TTLL1: variants seen among roughly 807,000 people sequenced by gnomAD.
TTLL1 encodes the protein TTL family tubulin polyglutamylase complex subunit L1.
In TTLL1, 33 loss-of-function variants were observed where a neutral mutation model predicts 47.8. That is an observed-to-expected ratio of 0.69 (90% confidence interval 0.52 to 0.92). The LOEUF (loss-of-function observed/expected upper bound fraction) is 0.92. TTLL1 is among the 40% of genes least tolerant of loss of function. The pLI is 0.00. For synonymous variants in TTLL1, 225 were observed against 214.1 expected, an observed-to-expected ratio of 1.05 and a Z score of -0.45; for missense variants, 488 against 547.5, an observed-to-expected ratio of 0.89 and a Z score of 1.08.
chr22:43,082,173 T>TTA (rs1425776623), intron 1 of TTLL1, among the ~76,000 whole-genome samples: 123 of 151,008 alleles, frequency 8.1e-4, no homozygotes, highest in African/African-American at 2.8e-3. Flanking sequence ...TTTTTTTTTT[T>TTA]AAACAACACA....
chr22:43,087,815 G>A (rs1929329739), intron 1 of TTLL1, among the ~76,000 whole-genome samples: 1 of 141,688 alleles, frequency 7.1e-6, no homozygotes, highest in Non-Finnish European at 1.5e-5. Context: ...ACTCCAGCCT[G>A]GGTGACAGAG....
At chr22:43,049,786 GA>G (rs1926456367) in intron 9 of TTLL1, among the ~76,000 whole-genome samples, 4 of 91,250 alleles carry the variant, frequency 4.4e-5, no homozygotes, top group Non-Finnish European at 7.6e-5. Flanking sequence ...AAAAAAAAAA[GA>G]AAAGAAAAAA....
intron 3 of TTLL1, among the ~76,000 whole-genome samples, chr22:43,073,571 G>A (rs1928276783): frequency 6.6e-6 from 1 of 151,778 alleles, no homozygotes; most frequent in African/African-American, 2.4e-5. Flanking sequence ...GGCTAGGCTG[G>A]TCTCCAACTC....
chr22:43,073,387 C>T (rs1928265905), intron 3 of TTLL1, among the ~76,000 whole-genome samples: 1 of 145,924 alleles, frequency 6.9e-6, no homozygotes, highest in African/African-American at 2.5e-5. Flanking sequence ...GGTACAGTCT[C>T]ACTCTGTCAC....
At chr22:43,077,403 C>A (rs1455625371) in intron 2 of TTLL1, among the ~76,000 whole-genome samples, 1 of 152,300 alleles carries the variant, frequency 6.6e-6, no homozygotes, top group East Asian at 1.9e-4. Context: ...CACAAAGCCT[C>A]CCTGACCCTC....
intron 2 of TTLL1, among the ~76,000 whole-genome samples, chr22:43,078,634 C>A (rs1021267455): frequency 2.7e-4 from 41 of 152,228 alleles, no homozygotes; most frequent in African/African-American, 9.9e-4. Context: ...CCATCACTTC[C>A]CTCTGTGAAC....
At chr22:43,065,907 T>A (rs965402920) in intron 5 of TTLL1, among the ~76,000 whole-genome samples, 5 of 152,008 alleles carry the variant, frequency 3.3e-5, no homozygotes, top group Admixed American at 6.6e-5. Context: ...AGGCCTGTAA[T>A]CCCAGCACTT....
At chr22:43,082,779 C>G (rs577057836) in intron 1 of TTLL1, among the ~76,000 whole-genome samples, 1 of 150,268 alleles carries the variant, frequency 6.7e-6, no homozygotes, top group African/African-American at 2.5e-5. Context: ...TTTGGGAGGC[C>G]AAGGTGGGTG....
chr22:43,075,617 A>G (rs747563643), intron 2 of TTLL1, 27 bp from the exon 3 acceptor site: 2 of 1,597,248 alleles, frequency 1.3e-6, no homozygotes. Flanking sequence ...TATTAGAGAT[A>G]TGAAACTTCA....
intron 10 of TTLL1, among the ~76,000 whole-genome samples, chr22:43,045,109 C>T (rs879945618): frequency 3.3e-5 from 5 of 152,196 alleles, no homozygotes; most frequent in Non-Finnish European, 5.9e-5. Flanking sequence ...GATCCACCTG[C>T]CTTGGCCTCC....
At chr22:43,055,586 C>T (rs1926944862) in intron 8 of TTLL1, among the ~76,000 whole-genome samples, 1 of 152,084 alleles carries the variant, frequency 6.6e-6, no homozygotes, top group Admixed American at 6.6e-5. Context: ...CCACCTTGAC[C>T]TCCCAAAGGG....
At chr22:43,076,629 T>G (rs2146988034) in intron 2 of TTLL1, among the ~76,000 whole-genome samples, 1 of 151,526 alleles carries the variant, frequency 6.6e-6, no homozygotes, top group Admixed American at 6.6e-5. Context: ...CATGCGCCTG[T>G]AATCCCAGCT....
At chr22:43,067,217 T>C (rs768799182) in intron 5 of TTLL1, among the ~76,000 whole-genome samples, 18 of 152,342 alleles carry the variant, frequency 1.2e-4, no homozygotes, top group Admixed American at 2.6e-4. Flanking sequence ...CTTGCTCGGC[T>C]GTGCCCATCG....
At chr22:43,074,549 T>G (rs1201640471) in intron 3 of TTLL1, among the ~76,000 whole-genome samples, 1 of 151,368 alleles carries the variant, frequency 6.6e-6, no homozygotes, top group Non-Finnish European at 1.5e-5. Flanking sequence ...TTGTTGAGAA[T>G]AGCTCCGAAG....
chr22:43,080,752 A>AGCTCCAGCTCAGCCTTAGCTGG (rs71284738), intron 1 of TTLL1, among the ~76,000 whole-genome samples: 35,503 of 151,704 alleles, frequency 0.23, 4,783 homozygotes, highest in Middle Eastern at 0.38. Context: ...GGATGGAGCT[A>AGCTCCAGCTCAGCCTTAGCTGG]AGGTGCCCTC....
In TTLL1 at chr22:43,064,268, G is replaced by A. The variant is rs765132419; in HGVS notation, c.560C>T (p.Pro187Leu). 1.2e-5 allele frequency: 20 copies of A among 1,613,992 alleles called. No individual in the cohort carries two copies. The highest frequency in any genetic ancestry group is 3.3e-5 in the Admixed American group (2 of 59,982). Residue 187 changes from proline (P) to leucine (L), a missense_variant, in exon 6 of 11, where the codon CCG (proline) becomes CTG (leucine). By Grantham distance (98) the Pro-to-Leu change is moderately conservative (BLOSUM62 -3). Transcript: ENST00000266254. ...AYVISLYINN[P>L]LLIGGRKFDL... The stretch of plus-strand genomic sequence containing the variant: ...GAACTTCCTCCCGCCAATTAGTAAC[G>A]GGTTGTTAATATAGAGAGAGATCAC...
At chr22:43,072,397 G>A (rs192567612) in intron 3 of TTLL1, among the ~76,000 whole-genome samples, 52 of 152,082 alleles carry the variant, frequency 3.4e-4, no homozygotes, top group African/African-American at 1.2e-3. Context: ...CTTGTGATCC[G>A]CCCATCTCGG....
chr22:43,044,162 A>T (rs1925920548), intron 10 of TTLL1, among the ~76,000 whole-genome samples: 1 of 148,370 alleles, frequency 6.7e-6, no homozygotes, highest in African/African-American at 2.5e-5. Context: ...TTGCCATCGC[A>T]AGCTCCCAAT....
intron 7 of TTLL1, among the ~76,000 whole-genome samples, chr22:43,062,745 C>T (rs1927465909): frequency 6.6e-6 from 1 of 152,096 alleles, no homozygotes; most frequent in Non-Finnish European, 1.5e-5. Flanking sequence ...AGGAGAATCA[C>T]TTGAACCTGG....
Sources: gnomAD v4.1 joint callset for allele counts (sites outside exome capture counted in the v4.1 genomes callset) on GRCh38, gnomAD v4.1.1 for gene constraint, MANE v1.5 for transcripts, NCBI Gene and HGNC (gene_info 2026-07-23, HGNC 2026-07-21) for gene names.